The following NES variants were observed in gnomAD, a reference collection of about 807,000 sequenced individuals.
NES encodes the protein nestin.
A neutral mutation model predicts 35.6 loss-of-function variants in NES; 27 were observed. The ratio of observed to expected loss-of-function variants is 0.76; its 90% confidence interval spans 0.56 to 1.04. The LOEUF (loss-of-function observed/expected upper bound fraction) is 1.04, where lower values mean the gene tolerates loss of function less well. NES is among the 50% of genes least tolerant of loss of function. NES has a pLI of 0.00. For synonymous variants in NES, 822 were observed against 824.2 expected, an observed-to-expected ratio of 1.00 and a Z score of 0.04; for missense variants, 1,867 against 1,983.6, an observed-to-expected ratio of 0.94 and a Z score of 1.12.
chr1:156,669,979 C>A lies in NES; in HGVS notation c.4209G>T (p.Trp1403Cys), dbSNP rs761297711. 6.2e-7 allele frequency: 1 copy of A among 1,613,736 alleles called. No individual in the cohort carries two copies. The highest frequency in any genetic ancestry group is 1.7e-5 in the Admixed American group (1 of 59,998). ...ACCCATCGGACTCCCCATCTCGATC[C>A]CAGGCTGCAGGATCCAGTAGCAGCT... ...VPQLLLDPAA[W>C]DRDGESDGFA... Residue 1403 changes from tryptophan (W) to cysteine (C), a missense_variant, in exon 4 of 4, where the codon TGG becomes TGT. By Grantham distance (215) the Trp-to-Cys change is radical. Transcript: ENST00000368223.
rs749536317 is a variant in NES at position 156,672,928 on chromosome 1, C to T, written c.1260G>A (p.Gly420=). 6.2e-7 allele frequency: 1 copy of T among 1,614,064 alleles called. No homozygotes were observed. Among genetic ancestry groups the T allele is most frequent in the South Asian group, 1.1e-5 (1 of 91,084 alleles). The change falls in exon 4 of 4, where the codon GGG becomes GGA. Residue 420 remains glycine, a synonymous_variant. Coordinates refer to ENST00000368223, the MANE Select transcript of NES (RefSeq NM_006617.2). ...APLSLLQTQG[G]RKQAPEPLRA... ...GCAGGGGCTCTGGAGCCTGTTTCCT[C>T]CCACCCTGTGTCTGGAGCAGAGAGA...
intron 2 of NES, 144 bp downstream of exon 2, chr1:156,675,072 G>T (rs886181342): frequency 2.0e-6 from 2 of 1,024,308 alleles, no homozygotes; most frequent in African/African-American, 3.2e-5. Flanking sequence ...ATGTTCCGGT[G>T]TGGAAGTGAC....
At position 156,676,552 on chromosome 1, in the gene NES, C is replaced by A. The variant is rs747226593; in HGVS notation, c.713G>T (p.Arg238Leu). The change falls in exon 1 of 4, where the codon CGC (arginine) becomes CTC (leucine). Residue 238 changes from arginine (R) to leucine (L), a missense_variant. By Grantham distance (102) the Arg-to-Leu change is moderately radical (BLOSUM62 -2). Coordinates refer to ENST00000368223, the MANE Select transcript of NES (RefSeq NM_006617.2). The surrounding 1 kb of genome is among the most constrained non-coding windows in gnomAD (Gnocchi z 5.3). ...LQAERGGLLE[R>L]RAALEQRLEG... ...CAACCTCTGTTCCAACGCTGCCCTG[C>A]GCTCCAGGAGGCCTCCGCGCTCAGC... The A allele has an allele frequency of 1.9e-6, 3 of 1,594,128 alleles. No individual in the cohort carries two copies. The highest frequency in any genetic ancestry group is 8.5e-7 in the Non-Finnish European group (1 of 1,177,872).
rs149309041 is a variant in NES, at chr1:156,669,762, C to T, written c.4426G>A (p.Ala1476Thr). Residue 1476 changes from alanine (A) to threonine (T), a missense_variant, in exon 4 of 4, where the codon GCA becomes ACA. Transcript: ENST00000368223. ...GCAGTCTTGGGGGCACCAGCCACTG[C>T]ACCCCTCAAGCTGTCATCCCAGGGG... ...SVPWDDSLRG[A>T]VAGAPKTALE... 2.4e-5 allele frequency: 38 copies of T among 1,613,912 alleles called. No individual in the cohort carries two copies. Among genetic ancestry groups the T allele is most frequent in the Non-Finnish European group, 3.1e-5 (36 of 1,180,000 alleles).
Position 156,672,171 on chromosome 1 carries a change from C to G in NES, c.2017G>C (p.Glu673Gln), listed in dbSNP as rs1474734382. 2 of 1,611,388 alleles carry G rather than the reference C, an allele frequency of 1.2e-6. No homozygotes were observed. The highest frequency in any genetic ancestry group is 3.4e-5 in the Admixed American group (2 of 59,304). ...NLESLTALEK[E>Q]NQEPLRSPEV... ...GGAGATCTCAGTGGCTCTTGATTCT[C>G]CTTTTCCAGAGCTGTCAATGACTCT... Residue 673 changes from glutamate to glutamine, a missense_variant, in exon 4 of 4, where the codon GAG becomes CAG. By Grantham distance (29) the Glu-to-Gln change is conservative (BLOSUM62 2). Transcript: ENST00000368223.
rs367889853 is a variant in NES at position 156,672,647 on chromosome 1, T to C, written c.1541A>G (p.Lys514Arg). The stretch of plus-strand genomic sequence containing the variant: ...TTCCTGCTGCAAGCTGCTTACCACT[T>C]TGCCCTCTATGGCTGTTTCTTTCTC... ...LVEKETAIEG[K>R]VVSSLQQEIW... The change falls in exon 4 of 4, where the codon AAA becomes AGA. Residue 514 changes from lysine (K) to arginine (R), a missense_variant. Physicochemically the swap from Lys to Arg is conservative, Grantham distance 26. Coordinates refer to ENST00000368223, the MANE Select transcript of NES (RefSeq NM_006617.2). 7 of 1,613,948 alleles carry C rather than the reference T, an allele frequency of 4.3e-6. No individual in the cohort carries two copies. The African/African-American group carries it at 8.0e-5, about 18-fold the overall frequency.
In NES at chr1:156,675,395, C is replaced by A. The variant is rs539815744; in HGVS notation, c.784-55G>T. On this transcript the variant is annotated intron_variant, in intron 1 of 3. Coordinates refer to ENST00000368223, the MANE Select transcript of NES (RefSeq NM_006617.2). ...AGGGGCTGGGGTCCCTTCTGTGAAC[C>A]AACCTGCCTCCTGCCCGCTGCCGCT... is the stretch of plus-strand genomic sequence containing the variant. The A allele has an allele frequency of 4.7e-4, 724 of 1,539,006 alleles. 8 individuals carry two copies. In the African/African-American group the frequency reaches 9.5e-3, roughly 20 times the overall value.
Position 156,676,375 on chromosome 1 carries a change from C to G in NES, c.783+107G>C, listed in dbSNP as rs1428053679. 8.8e-7 allele frequency: 1 copy of G among 1,133,676 alleles called. No individual in the cohort carries two copies. The highest frequency in any genetic ancestry group is 1.2e-6 in the Non-Finnish European group (1 of 803,434). The allele number at this position is 1,133,676 out of a possible 1,614,324, so 70.2% of individuals were successfully genotyped here. ...GGTTTCTGAGAACTGGCTCCTGATT[C>G]AGCAGCCAGCTAGCCCCACTCCCTT... On this transcript the variant is annotated intron_variant, in intron 1 of 3. Coordinates refer to ENST00000368223, the MANE Select transcript of NES (RefSeq NM_006617.2). This position sits in a 1 kb window ranked among gnomAD's most constrained non-coding sequence, Gnocchi z 5.3.
At position 156,671,610 on chromosome 1, in the gene NES, T is replaced by C. The variant is rs776001376; in HGVS notation, c.2578A>G (p.Met860Val). The C allele has an allele frequency of 1.6e-5, 26 of 1,613,932 alleles. No homozygotes were observed. In the African/African-American group the frequency reaches 3.3e-4, roughly 21 times the overall value. ...TGAATTTCCTTTTCTAGAGGATTCA[T>C]TGCCCCCTGATTTATTTCTTCTGGA... ...WTPEEINQGA[M>V]NPLEKEIQEP... Residue 860 changes from methionine to valine, a missense_variant, in exon 4 of 4, where the codon ATG (methionine) becomes GTG (valine). Met to Val is a conservative substitution (Grantham distance 21). Coordinates refer to ENST00000368223, the MANE Select transcript of NES (RefSeq NM_006617.2).
At position 156,669,825 on chromosome 1, in the gene NES, C is replaced by G. The variant is rs1179088028; in HGVS notation, c.4363G>C (p.Gly1455Arg). 4 of 1,614,036 alleles carry G rather than the reference C, an allele frequency of 2.5e-6. No individual in the cohort carries two copies. The highest frequency in any genetic ancestry group is 3.4e-6 in the Non-Finnish European group (4 of 1,179,976). The change falls in exon 4 of 4, where the codon GGG becomes CGG. Residue 1455 changes from glycine to arginine, a missense_variant. Physicochemically the swap from Gly to Arg is moderately radical, Grantham distance 125. Transcript: ENST00000368223. ...SLQALSSSQR[G>R]EFLESDSVSV... ...ACAGAATCAGACTCCAGGAATTCCC[C>G]TCTCTGGGAGCTACTCAGGGCCTGG...
chr1:156,670,802 A>C lies in NES; in HGVS notation c.3386T>G (p.Leu1129Trp), dbSNP rs753835261. 1 of 1,614,044 alleles carries C rather than the reference A, an allele frequency of 6.2e-7. No individual in the cohort carries two copies. The highest frequency in any genetic ancestry group is 8.5e-7 in the Non-Finnish European group (1 of 1,179,966). ...VMEPPLEEES[L>W]EAKRVQGLEG... ...CAAGCCCTGAACCCTCTTTGCCTCC[A>C]AACTCTCCTCTTCCAGGGGTGGTTC... is the stretch of plus-strand genomic sequence containing the variant. The change falls in exon 4 of 4, where the codon TTG becomes TGG. Residue 1129 changes from leucine to tryptophan, a missense_variant. Transcript: ENST00000368223.
In NES at chr1:156,677,181, C is replaced by G. The variant is rs1351865428; in HGVS notation, c.84G>C (p.Ala28=). ...RLEAYLARVK[A]LEEQNELLSA... ...TGAGCAGCTCATTCTGCTCCTCCAG[C>G]GCCTTGACCCGGGCCAGGTAGGCCT... Residue 28 remains alanine, a synonymous_variant, in exon 1 of 4, where the codon GCG becomes GCC. Transcript: ENST00000368223. This position sits in a 1 kb window ranked among gnomAD's most constrained non-coding sequence, Gnocchi z 4.5. 2 of 1,612,578 alleles carry G rather than the reference C, an allele frequency of 1.2e-6. No individual in the cohort carries two copies. The highest frequency in any genetic ancestry group is 8.5e-7 in the Non-Finnish European group (1 of 1,179,888).
Position 156,670,666 on chromosome 1 carries a change from C to A in NES, c.3522G>T (p.Glu1174Asp), listed in dbSNP as rs765584590. 1.4e-5 allele frequency: 23 copies of A among 1,613,776 alleles called. No homozygotes were observed. Among genetic ancestry groups the A allele is most frequent in the Non-Finnish European group, 1.9e-5 (23 of 1,179,954 alleles). The change falls in exon 4 of 4, where the codon GAG (glutamate) becomes GAT (aspartate). Residue 1174 changes from glutamate (E) to aspartate (D), a missense_variant. Physicochemically the swap from Glu to Asp is conservative, Grantham distance 45. Coordinates refer to ENST00000368223, the MANE Select transcript of NES (RefSeq NM_006617.2). ...PWEPPREGRE[E>D]SEAEAPRGAE... ...CTCCCCTGGGGGCCTCAGCCTCTGA[C>A]TCCTCCCTACCCTCCCTGGGAGGCT...
rs1046656404 is a variant in NES at position 156,675,227 on chromosome 1, C to T, written c.897G>A (p.Val299=). ...GGCTCGTCTCGTACCTGTACGTGGC[C>T]ACCTCCAGGCTGAGGGACATCTTGA... ...AHLKMSLSLE[V]ATYRTLLEAE... The change falls in exon 2 of 4, where the codon GTG becomes GTA. Residue 299 remains valine, a synonymous_variant. Transcript: ENST00000368223. The T allele has an allele frequency of 6.2e-7, 1 of 1,613,282 alleles. No individual in the cohort carries two copies. The highest frequency in any genetic ancestry group is 8.5e-7 in the Non-Finnish European group (1 of 1,179,784).
chr1:156,670,786 A>T lies in NES; in HGVS notation c.3402T>A (p.Val1134=), dbSNP rs372577003. 10 of 1,613,900 alleles carry T rather than the reference A, an allele frequency of 6.2e-6. No homozygotes were observed. The highest frequency in any genetic ancestry group is 4.5e-5 in the East Asian group (2 of 44,870). ...LEEESLEAKR[V]QGLEGPRKDL... ...CCTTTCTAGGCCCTTCCAAGCCCTG[A>T]ACCCTCTTTGCCTCCAAACTCTCCT... Residue 1134 remains valine, a synonymous_variant, in exon 4 of 4, where the codon GTT becomes GTA. Coordinates refer to ENST00000368223, the MANE Select transcript of NES (RefSeq NM_006617.2).
Position 156,670,859 on chromosome 1 carries a change from T to TCCCCCCCCCCCCCCCCCCCCCG in NES, c.3328_3329insCGGGGGGGGGGGGGGGGGGGGG (p.Asp1110AlafsTer39). 1 of 1,609,352 alleles carries TCCCCCCCCCCCCCCCCCCCCCG rather than the reference T, an allele frequency of 6.2e-7. No individual in the cohort carries two copies. The highest frequency in any genetic ancestry group is 8.5e-7 in the Non-Finnish European group (1 of 1,176,944). On this transcript the variant is annotated frameshift_variant, in exon 4 of 4. Transcript: ENST00000368223. LOFTEE classifies it low-confidence loss of function (END_TRUNC). ...CTCTTCCCTGGTCAGATGGCCTGGGTCCCCCAGCCCTCCCACCCCCTGCCC... is the reference window on the plus strand; with the variant it reads ...CTCTTCCCTGGTCAGATGGCCTGGGTCCCCCCCCCCCCCCCCCCCCCGCCCCCAGCCCTCCCACCCCCTGCCC...
chr1:156,676,512 C>T lies in NES; in HGVS notation c.753G>A (p.Gln251=). The T allele has an allele frequency of 2.5e-6, 4 of 1,597,420 alleles. No individual in the cohort carries two copies. Among genetic ancestry groups the T allele is most frequent in the Non-Finnish European group, 3.4e-6 (4 of 1,179,222 alleles). ...ALEQRLEGRW[Q]ERLRATEKFQ... ...ACTTTTCAGTAGCCCGCAGCCGCTC[C>T]TGCCAGCGGCCCTCCAACCTCTGTT... Residue 251 remains glutamine (Q), a synonymous_variant, in exon 1 of 4, where the codon CAG becomes CAA. Coordinates refer to ENST00000368223, the MANE Select transcript of NES (RefSeq NM_006617.2). This position sits in a 1 kb window ranked among gnomAD's most constrained non-coding sequence, Gnocchi z 5.3.
chr1:156,670,810 C>T lies in NES; in HGVS notation c.3378G>A (p.Glu1126=). The T allele has an allele frequency of 1.9e-6, 3 of 1,614,130 alleles. No homozygotes were observed. The highest frequency in any genetic ancestry group is 2.5e-6 in the Non-Finnish European group (3 of 1,179,996). Residue 1126 remains glutamate (E), a synonymous_variant, in exon 4 of 4, where the codon GAG becomes GAA. Transcript: ENST00000368223. ...GAACCCTCTTTGCCTCCAAACTCTC[C>T]TCTTCCAGGGGTGGTTCCATCACCT... ...REEVMEPPLE[E]ESLEAKRVQG... is the part of the protein sequence containing the mutation.
Position 156,670,904 on chromosome 1 carries a change from G to T in NES, c.3284C>A (p.Ala1095Glu). 9.4e-7 allele frequency: 1 copy of T among 1,061,608 alleles called. No individual in the cohort carries two copies. Among genetic ancestry groups the T allele is most frequent in the Non-Finnish European group, 1.4e-6 (1 of 738,096 alleles). 65.8% of individuals were successfully genotyped at this position (1,061,608 alleles called of 1,614,324 possible). A position where few individuals can be genotyped will look rare whatever the true frequency, so the allele number is the denominator to read the frequency against. ...GSEPAMGESA[A>E]GAEPGPGQGV... ...CTGCCCCGGGCCTGGCTCAGCTCCC[G>T]CAGCAGACTCACCCATGGCAGGCTC... is the stretch of plus-strand genomic sequence containing the variant. The change falls in exon 4 of 4, where the codon GCG becomes GAG. Residue 1095 changes from alanine (A) to glutamate (E), a missense_variant. Coordinates refer to ENST00000368223, the MANE Select transcript of NES (RefSeq NM_006617.2).
Sources: gnomAD v4.1 joint callset for allele counts on GRCh38, gnomAD v4.1.1 for gene constraint, Gnocchi (gnomAD v3.1) non-coding constraint, MANE v1.5 for transcripts, NCBI Gene and HGNC (gene_info 2026-07-23, HGNC 2026-07-21) for gene names.